The following NXPE2 variants were observed in gnomAD, a reference collection of about 807,000 sequenced individuals.
The protein encoded by NXPE2 is neurexophilin and PC-esterase domain family member 2.
A neutral mutation model predicts 34.4 loss-of-function variants in NXPE2; 34 were observed. The observed-to-expected ratio is 0.99, with a 90% CI of 0.75 to 1.31. NXPE2 has a LOEUF of 1.31. Among genes scored for constraint, NXPE2 ranks in the 40% most tolerant of loss-of-function variants. The pLI is 0.00. For missense variants in NXPE2, 649 were observed against 672.5 expected (o/e 0.97, Z 0.39); for synonymous variants, 235 against 231.3 (o/e 1.02, Z -0.15).
the NXPE2 span, among the ~76,000 whole-genome samples, chr11:114,542,026 A>G: frequency 5.3e-5 from 8 of 152,186 alleles, no homozygotes; most frequent in Non-Finnish European, 7.3e-5. Context: ...GGCTGTGGCT[A>G]TATCAATTTT....
At chr11:114,521,354 T>C in the NXPE2 span, among the ~76,000 whole-genome samples, 1 of 152,228 alleles carries the variant, frequency 6.6e-6, no homozygotes, top group Non-Finnish European at 1.5e-5. Context: ...ATTAGTCTTT[T>C]TGATGCTAAA....
At chr11:114,616,273 T>C in the NXPE2 span, among the ~76,000 whole-genome samples, 1 of 151,660 alleles carries the variant, frequency 6.6e-6, no homozygotes, top group Non-Finnish European at 1.5e-5. Context: ...AAATGTTGCC[T>C]CGTGGGTAGC....
the NXPE2 span, among the ~76,000 whole-genome samples, chr11:114,606,506 C>T: frequency 6.6e-6 from 1 of 151,522 alleles, no homozygotes; most frequent in Admixed American, 6.6e-5. Context: ...TAAGTGTTGC[C>T]TCTAGGGTAA....
At chr11:114,593,632 A>T in the NXPE2 span, among the ~76,000 whole-genome samples, 3 of 152,092 alleles carry the variant, frequency 2.0e-5, no homozygotes, top group African/African-American at 7.2e-5. Flanking sequence ...TCAAAAAACT[A>T]AAAATAGGCT....
At chr11:114,769,110 C>T in the NXPE2 span, among the ~76,000 whole-genome samples, 1 of 146,298 alleles carries the variant, frequency 6.8e-6, no homozygotes, top group Non-Finnish European at 1.5e-5. Context: ...AACAAATTTG[C>T]AAGAAAAAAA....
chr11:114,798,129 T>C, the NXPE2 span, among the ~76,000 whole-genome samples: 1 of 152,242 alleles, frequency 6.6e-6, no homozygotes, highest in Non-Finnish European at 1.5e-5. Context: ...TGCTCTAACA[T>C]ACATTTGTGT....
chr11:114,594,904 C>A, the NXPE2 span: 2 of 565,360 alleles, frequency 3.5e-6, no homozygotes, highest in Non-Finnish European at 3.1e-6. Flanking sequence ...CAGAAATAAA[C>A]CTTCACCCCC....
chr11:114,591,712 T>A, the NXPE2 span, among the ~76,000 whole-genome samples: 1 of 152,184 alleles, frequency 6.6e-6, no homozygotes, highest in South Asian at 2.1e-4. Flanking sequence ...CTTCACCAAA[T>A]ATACCTCAAA....
At chr11:114,809,745 C>A in the NXPE2 span, among the ~76,000 whole-genome samples, 4 of 128,192 alleles carry the variant, frequency 3.1e-5, no homozygotes, top group African/African-American at 5.8e-5. Flanking sequence ...GAATCAATAT[C>A]ATGAAAATGG....
At chr11:114,556,603 C>T in the NXPE2 span, among the ~76,000 whole-genome samples, 2 of 152,096 alleles carry the variant, frequency 1.3e-5, no homozygotes, top group Admixed American at 1.3e-4. Context: ...CTGGCTCCCA[C>T]GCAGCATGAT....
intron 3 of NXPE2, among the ~76,000 whole-genome samples, chr11:114,699,758 G>A (rs958175951): frequency 6.6e-5 from 10 of 151,218 alleles, no homozygotes; most frequent in African/African-American, 2.2e-4. Flanking sequence ...TGTAAGCTCT[G>A]CGAGCATTAA....
chr11:114,629,450 G>T, the NXPE2 span, among the ~76,000 whole-genome samples: 1 of 148,722 alleles, frequency 6.7e-6, no homozygotes, highest in Non-Finnish European at 1.5e-5. Flanking sequence ...TGCAGAAAAG[G>T]CCTTTGACAA....
At chr11:114,689,299 T>C (rs1487257610) in intron 2 of NXPE2, among the ~76,000 whole-genome samples, 1 of 152,086 alleles carries the variant, frequency 6.6e-6, no homozygotes, top group Non-Finnish European at 1.5e-5. Flanking sequence ...TATTTTCATT[T>C]GTTTCAATTT....
the NXPE2 span, chr11:114,530,136 C>T: frequency 1.3e-6 from 2 of 1,546,338 alleles, no homozygotes; most frequent in Non-Finnish European, 1.7e-6. Context: ...GGGCACTTCT[C>T]AGGGGACACT....
At position 114,682,940 on chromosome 11, in the gene NXPE2, G is replaced by A. The variant is rs189677621; in HGVS notation, c.132+3178G>A. On this transcript the variant is annotated intron_variant, in intron 2 of 5. Transcript: ENST00000389586. The stretch of plus-strand genomic sequence containing the variant: ...AAGGGGAGAGAAAACCAAAACCCGT[G>A]AGATGCAATAAAAGTTGAACTTTGG... Among the ~76,000 whole-genome samples the A allele has an allele frequency of 2.5e-3, 381 of 151,784 alleles. 1 individual carries two copies. The highest frequency in any genetic ancestry group is 3.7e-3 in the Non-Finnish European group (248 of 67,938).
chr11:114,712,927 A>G, the NXPE2 span, among the ~76,000 whole-genome samples: 3 of 152,240 alleles, frequency 2.0e-5, no homozygotes, highest in South Asian at 4.1e-4. Context: ...ATATACATAC[A>G]GTGAAAAACC....
chr11:114,524,594 A>G, the NXPE2 span, among the ~76,000 whole-genome samples: 1 of 152,176 alleles, frequency 6.6e-6, no homozygotes, highest in Non-Finnish European at 1.5e-5. Flanking sequence ...ATGAGGCTTG[A>G]TAGCATTGCA....
the NXPE2 span, among the ~76,000 whole-genome samples, chr11:114,535,273 T>C: frequency 0.23 from 34,526 of 151,992 alleles, 5,521 homozygotes; most frequent in African/African-American, 0.45. Flanking sequence ...AAAGAGCTCC[T>C]GAAGGAAGCA....
At chr11:114,527,519 G>GA in the NXPE2 span, among the ~76,000 whole-genome samples, 2 of 152,122 alleles carry the variant, frequency 1.3e-5, no homozygotes, top group Non-Finnish European at 2.9e-5. Context: ...AACCAAAACC[G>GA]AAAGTGTTCC....
Sources: gnomAD v4.1 joint callset for allele counts (sites outside exome capture counted in the v4.1 genomes callset) on GRCh38, gnomAD v4.1.1 for gene constraint, MANE v1.5 for transcripts, NCBI Gene and HGNC (gene_info 2026-07-23, HGNC 2026-07-21) for gene names.